Variants in TAC4 observed in about 807,000 individuals in gnomAD.
TAC4 encodes the protein tachykinin-4.
TAC4 carries 17 observed loss-of-function variants against 17.7 expected under a neutral mutation model. The ratio of observed to expected loss-of-function variants is 0.96; its 90% confidence interval spans 0.66 to 1.44. The LOEUF is 1.44. TAC4 is among the 40% of genes most tolerant of loss of function. The pLI is 0.00. For synonymous variants in TAC4, 62 were observed against 52.4 expected (o/e 1.18, Z -0.79); for missense variants, 118 against 125.6 (o/e 0.94, Z 0.29).
At chr17:49,839,744 G>T in intron 4 of TAC4, 106 bp downstream of exon 4, 2 of 1,070,922 alleles carry the variant, frequency 1.9e-6, no homozygotes, top group South Asian at 1.6e-5. Flanking sequence ...ATGGCTTGTG[G>T]GGAGCCTGTC....
intron 1 of TAC4, chr17:49,846,083 C>G (rs1407964288): frequency 3.6e-6 from 2 of 560,938 alleles, no homozygotes; most frequent in Non-Finnish European, 5.5e-6. Flanking sequence ...TTCTCCCCCA[C>G]TGGGTTTCTG....
At chr17:49,840,887 CTTTT>C (rs778120935) in intron 3 of TAC4, among the ~76,000 whole-genome samples, 4 of 79,562 alleles carry the variant, frequency 5.0e-5, no homozygotes, top group South Asian at 7.9e-4. Context: ...TAGATTTGTA[CTTTT>C]TTTTTTTTTT....
intron 2 of TAC4, 96 bp downstream of exon 2, chr17:49,843,968 C>A: frequency 1.8e-6 from 2 of 1,111,132 alleles, no homozygotes; most frequent in Non-Finnish European, 2.7e-6. Context: ...GAGTACCTGA[C>A]CCCAGTTACT....
At chr17:49,841,244 CTTTTTTTTTT>C (rs745671170) in intron 3 of TAC4, among the ~76,000 whole-genome samples, 1 of 110,362 alleles carries the variant, frequency 9.1e-6, no homozygotes. Flanking sequence ...TAGTGGTTGA[CTTTTTTTTTT>C]TTTTTTTTTT....
chr17:49,838,368 C>T lies in TAC4; in HGVS notation c.*274G>A, dbSNP rs2074471917. ...ACAGGATACAGAGTGTGCGAGTCTC[C>T]TCACTGCTGTGCAGTGAGATGCCAA... On this transcript the variant is annotated 3_prime_UTR_variant, in exon 5 of 5. Transcript: ENST00000436235. The T allele has an allele frequency of 1.6e-5, 9 of 551,994 alleles. No homozygotes were observed. In the South Asian group the frequency reaches 1.8e-4, roughly 11 times the overall value. The allele number at this position is 551,994 out of a possible 1,614,324, so 34.2% of individuals were successfully genotyped here. A position where few individuals can be genotyped will look rare whatever the true frequency, so the allele number is the denominator to read the frequency against.
At position 49,839,888 on chromosome 17, in the gene TAC4, A is replaced by G. The variant is rs1432592461; in HGVS notation, c.254T>C (p.Phe85Ser). ...RKKAYQLEHT[F>S]QGLLGKRSLF... ...GCTTCTCTTGCCCAGGAGGCCCTGG[A>G]ACGTGTGTTCCAGCTGATATGCTGG... is the stretch of plus-strand genomic sequence containing the variant. The change falls in exon 4 of 5, where the codon TTC (phenylalanine) becomes TCC (serine). Residue 85 changes from phenylalanine (F) to serine (S), a missense_variant. Phe to Ser is a radical substitution (Grantham distance 155, BLOSUM62 -2). Transcript: ENST00000436235. 6.2e-7 allele frequency: 1 copy of G among 1,612,452 alleles called. No individual in the cohort carries two copies. The highest frequency in any genetic ancestry group is 1.7e-5 in the Admixed American group (1 of 59,726).
At position 49,838,632 on chromosome 17, in the gene TAC4, G is replaced by A. The variant is rs1449966377; in HGVS notation, c.*10C>T. The A allele has an allele frequency of 1.2e-6, 2 of 1,613,818 alleles. No individual in the cohort carries two copies. The highest frequency in any genetic ancestry group is 1.3e-5 in the African/African-American group (1 of 75,032). ...CACCGTGTCCTCTGGGAAGTCTGTG[G>A]TGGGGGCTTTTACTCTGAACCTTGG... On this transcript the variant is annotated 3_prime_UTR_variant, in exon 5 of 5. Transcript: ENST00000436235.
chr17:49,846,123 G>C (rs563726818), intron 1 of TAC4: 22 of 998,522 alleles, frequency 2.2e-5, no homozygotes, highest in East Asian at 1.3e-4. Flanking sequence ...CGGAGACATT[G>C]GTTTCCCATT....
intron 1 of TAC4, among the ~76,000 whole-genome samples, chr17:49,845,191 A>C (rs2074528840): frequency 6.6e-6 from 1 of 152,106 alleles, no homozygotes; most frequent in Non-Finnish European, 1.5e-5. Context: ...CTTGCCTTAG[A>C]GCCTGGGCCT....
intron 1 of TAC4, chr17:49,847,708 CACA>C: frequency 1.5e-6 from 1 of 668,970 alleles, no homozygotes; most frequent in Admixed American, 2.6e-5. Context: ...CACACACACA[CACA>C]CACACACACA....
intron 1 of TAC4, 21 bp from the exon 2 acceptor site, chr17:49,844,178 T>A: frequency 6.2e-7 from 1 of 1,612,606 alleles, no homozygotes; most frequent in Non-Finnish European, 8.5e-7. Flanking sequence ...AGAGAGTTAG[T>A]GTTAGAGTTG....
Position 49,838,578 on chromosome 17 carries a change from A to C in TAC4, c.*64T>G. 1.2e-6 allele frequency: 2 copies of C among 1,605,506 alleles called. No homozygotes were observed. The highest frequency in any genetic ancestry group is 1.7e-6 in the Non-Finnish European group (2 of 1,172,806). ...AAGAGAGTTGGCCTGCCGGCTTGTCAGCTGTGACATCCAGGTAGGAAGAAG... is the reference window on the plus strand; with the variant it reads ...AAGAGAGTTGGCCTGCCGGCTTGTCCGCTGTGACATCCAGGTAGGAAGAAG... On this transcript the variant is annotated 3_prime_UTR_variant, in exon 5 of 5. Coordinates refer to ENST00000436235, the MANE Select transcript of TAC4 (RefSeq NM_001077506.2).
chr17:49,846,066 C>A, intron 1 of TAC4: 1 of 439,566 alleles, frequency 2.3e-6, no homozygotes, highest in Non-Finnish European at 3.9e-6. Context: ...TTCAATAGGA[C>A]TGACCTTTCT....
chr17:49,841,502 C>T (rs981452817), intron 3 of TAC4, 50 bp downstream of exon 3: 58 of 1,523,818 alleles, frequency 3.8e-5, no homozygotes, highest in Non-Finnish European at 4.4e-5. Context: ...CTGAGGACAA[C>T]TCAGCCCTCC....
chr17:49,838,471 C>T lies in TAC4; in HGVS notation c.*171G>A. The T allele has an allele frequency of 2.6e-6, 2 of 761,966 alleles. No homozygotes were observed. The highest frequency in any genetic ancestry group is 1.6e-5 in the South Asian group (1 of 63,476). The allele number at this position is 761,966 out of a possible 1,614,324, so 47.2% of individuals were successfully genotyped here. ...GCATTTATGCAGGACTGCTGCTTGA[C>T]ACTGAGAGTCCAGGAAGAAGCCCAG... On this transcript the variant is annotated 3_prime_UTR_variant, in exon 5 of 5. Coordinates refer to ENST00000436235, the MANE Select transcript of TAC4 (RefSeq NM_001077506.2).
At chr17:49,843,599 A>G (rs1325272440) in intron 2 of TAC4, among the ~76,000 whole-genome samples, 1 of 151,838 alleles carries the variant, frequency 6.6e-6, no homozygotes. Flanking sequence ...GTTGCATGCT[A>G]ATTTCTTTTT....
At chr17:49,846,079 C>T in intron 1 of TAC4, 1 of 513,642 alleles carries the variant, frequency 1.9e-6, no homozygotes, top group Non-Finnish European at 3.1e-6. Context: ...ACCTTTCTCC[C>T]CCACTGGGTT....
intron 1 of TAC4, among the ~76,000 whole-genome samples, chr17:49,846,461 A>G (rs1164776701): frequency 5.9e-5 from 9 of 152,086 alleles, no homozygotes; most frequent in African/African-American, 1.7e-4. Flanking sequence ...TATGTTTTGT[A>G]GAGATGGGTC....
chr17:49,847,217 C>T (rs985443813), intron 1 of TAC4: 1 of 1,290,222 alleles, frequency 7.8e-7, no homozygotes, highest in Admixed American at 2.3e-5. Context: ...TGGAAGCCTT[C>T]CCTGAGCACT....
Sources: allele counts gnomAD v4.1 joint callset (sites outside exome capture counted in the v4.1 genomes callset), GRCh38; gene constraint gnomAD v4.1.1; transcripts MANE v1.5; gene names NCBI Gene and HGNC (gene_info 2026-07-23, HGNC 2026-07-21).